Variants in DNA2 observed in about 807,000 individuals in gnomAD.
DNA2 encodes DNA replication helicase/nuclease 2, also known as DNA replication ATP-dependent helicase/nuclease DNA2.
DNA2 carries 101 observed loss-of-function variants against 119.1 expected under a neutral mutation model. The ratio of observed to expected loss-of-function variants is 0.85; its 90% confidence interval spans 0.72 to 1.00. DNA2 has a LOEUF of 1.00. DNA2 is among the 50% of genes least tolerant of loss of function. DNA2 has a pLI of 0.00. For missense variants in DNA2, 1,121 were observed against 1,255.5 expected, an observed-to-expected ratio of 0.89 and a Z score of 1.62; for synonymous variants, 366 against 424.4, an observed-to-expected ratio of 0.86 and a Z score of 1.69.
chr10:68,440,277 A>ACTCT (rs2051950713), intron 9 of DNA2, among the ~76,000 whole-genome samples: 1 of 152,132 alleles, frequency 6.6e-6, no homozygotes, highest in Non-Finnish European at 1.5e-5. Flanking sequence ...TGGGTAACAG[A>ACTCT]GTAAGACTTT....
At chr10:68,433,167 C>T (rs1302674510) in intron 10 of DNA2, among the ~76,000 whole-genome samples, 2 of 152,162 alleles carry the variant, frequency 1.3e-5, no homozygotes, top group African/African-American at 4.8e-5. Context: ...ACCTGATGCT[C>T]CTTCTCTGGT....
chr10:68,464,794 A>C (rs1190791162), intron 4 of DNA2, among the ~76,000 whole-genome samples: 1 of 126,094 alleles, frequency 7.9e-6, no homozygotes, highest in African/African-American at 3.1e-5. Flanking sequence ...ACACCATTAC[A>C]CTCCAGCCTG....
At chr10:68,425,797 T>C (rs2051732555) in intron 14 of DNA2, among the ~76,000 whole-genome samples, 1 of 150,584 alleles carries the variant, frequency 6.6e-6, no homozygotes, top group African/African-American at 2.5e-5. Context: ...AAATGGGAAA[T>C]GTTTCATAAT....
At chr10:68,450,920 G>A (rs371106136) in intron 5 of DNA2, among the ~76,000 whole-genome samples, 185 of 152,090 alleles carry the variant, frequency 1.2e-3, no homozygotes, top group African/African-American at 3.7e-3. Context: ...CCAACATGGC[G>A]AAACCCTGTC....
chr10:68,417,362 G>T (rs2051603077), intron 19 of DNA2, among the ~76,000 whole-genome samples: 1 of 76,690 alleles, frequency 1.3e-5, no homozygotes, highest in Non-Finnish European at 2.5e-5. Context: ...TGAGAAAAAT[G>T]AACTAAGGAG....
chr10:68,435,431 A>T (rs2051874943), intron 10 of DNA2, among the ~76,000 whole-genome samples: 1 of 151,424 alleles, frequency 6.6e-6, no homozygotes, highest in Admixed American at 6.6e-5. Flanking sequence ...CTAAATAAAA[A>T]TATTAATAGT....
At chr10:68,464,478 G>A (rs1056666035) in intron 4 of DNA2, among the ~76,000 whole-genome samples, 2 of 150,170 alleles carry the variant, frequency 1.3e-5, no homozygotes, top group East Asian at 2.0e-4. Flanking sequence ...GCAAGCCACC[G>A]CACTCCACCT....
chr10:68,470,519 T>G (rs2052371959), intron 1 of DNA2: 4 of 423,496 alleles, frequency 9.4e-6, no homozygotes, highest in South Asian at 3.5e-5. Flanking sequence ...GAGGCTGAGG[T>G]GGAAGGACTG....
chr10:68,443,556 AC>A (rs2051998195), intron 8 of DNA2, among the ~76,000 whole-genome samples: 1 of 152,216 alleles, frequency 6.6e-6, no homozygotes, highest in African/African-American at 2.4e-5. Flanking sequence ...CATACCAAAC[AC>A]TGACGATAAA....
At chr10:68,421,717 G>A (rs1208410492) in intron 17 of DNA2, among the ~76,000 whole-genome samples, 1 of 151,836 alleles carries the variant, frequency 6.6e-6, no homozygotes, top group Non-Finnish European at 1.5e-5. Flanking sequence ...CATGCCACTT[G>A]GGCAACAGAG....
chr10:68,441,204 C>A (rs2051962668), intron 9 of DNA2, among the ~76,000 whole-genome samples: 1 of 151,250 alleles, frequency 6.6e-6, no homozygotes, highest in South Asian at 2.1e-4. Flanking sequence ...GTGGTGCACA[C>A]CTATGGTCCT....
chr10:68,425,449 G>GGA (rs1295850579), intron 14 of DNA2, among the ~76,000 whole-genome samples: 2 of 143,028 alleles, frequency 1.4e-5, no homozygotes, highest in African/African-American at 5.2e-5. Context: ...CTCCCAGGCT[G>GGA]GAGTACAGTG....
intron 5 of DNA2, among the ~76,000 whole-genome samples, chr10:68,455,744 C>T (rs2052174017): frequency 6.6e-6 from 1 of 151,786 alleles, no homozygotes; most frequent in African/African-American, 2.4e-5. Context: ...TCATTTGAAC[C>T]CAGGAAGCAG....
chr10:68,454,692 G>A (rs1348558917), intron 5 of DNA2, among the ~76,000 whole-genome samples: 1 of 151,880 alleles, frequency 6.6e-6, no homozygotes, highest in Non-Finnish European at 1.5e-5. Context: ...TGTAATCCCA[G>A]CTACTCAGGA....
intron 4 of DNA2, among the ~76,000 whole-genome samples, chr10:68,461,703 C>A (rs771660270): frequency 1.3e-5 from 2 of 151,872 alleles, no homozygotes; most frequent in Non-Finnish European, 2.9e-5. Context: ...TGGTGCATGC[C>A]TGTAATCCCA....
In DNA2 at chr10:68,471,937, A is replaced by C; in HGVS notation, c.-73T>G. The stretch of plus-strand genomic sequence containing the variant: ...GGGGGTAACACAGAAAGCTTAGAAA[A>C]GGGAAAAAGGCGCGAGCCTGCGCAC... On this transcript the variant is annotated 5_prime_UTR_variant, in exon 1 of 21. Coordinates refer to ENST00000358410, the MANE Select transcript of DNA2 (RefSeq NM_001080449.3). The C allele has an allele frequency of 1.9e-6, 3 of 1,613,474 alleles. No individual in the cohort carries two copies. The highest frequency in any genetic ancestry group is 2.5e-6 in the Non-Finnish European group (3 of 1,179,466).
intron 7 of DNA2, among the ~76,000 whole-genome samples, chr10:68,445,432 C>T (rs2052025894): frequency 6.6e-6 from 1 of 152,022 alleles, no homozygotes; most frequent in African/African-American, 2.4e-5. Context: ...CATTGCACTC[C>T]AGCCTGGGTA....
At chr10:68,428,883 A>G (rs2051778546) in intron 14 of DNA2, among the ~76,000 whole-genome samples, 1 of 152,154 alleles carries the variant, frequency 6.6e-6, no homozygotes, top group African/African-American at 2.4e-5. Flanking sequence ...TAGAATAGGG[A>G]CTGTATCAAT....
chr10:68,448,975 GT>G (rs2052080992), intron 6 of DNA2, among the ~76,000 whole-genome samples: 1 of 140,004 alleles, frequency 7.1e-6, no homozygotes, highest in Non-Finnish European at 1.5e-5. Flanking sequence ...GTGCGTGTGT[GT>G]GTGTGTGTGT....
Sources: allele counts gnomAD v4.1 joint callset (sites outside exome capture counted in the v4.1 genomes callset), GRCh38; gene constraint gnomAD v4.1.1; transcripts MANE v1.5; gene names NCBI Gene and HGNC (gene_info 2026-07-23, HGNC 2026-07-21).